Variants in SHISAL1 observed in about 807,000 individuals in gnomAD.
SHISAL1 encodes protein shisa-like-1.
Under a neutral mutation model 22.6 loss-of-function variants are expected in SHISAL1, and 9 were observed. That is an observed-to-expected ratio of 0.40 (90% CI 0.24 to 0.70). SHISAL1 has a LOEUF of 0.70. Ranked by LOEUF, SHISAL1 falls within the 30% of genes least tolerant of loss-of-function variation. The probability of loss-of-function intolerance (pLI) is 0.39; values close to 1 mark genes in which losing one functional copy is unlikely to be tolerated. For missense variants in SHISAL1, 246 were observed against 270.6 expected, an observed-to-expected ratio of 0.91 and a Z score of 0.64; for synonymous variants, 119 against 115.4, an observed-to-expected ratio of 1.03 and a Z score of -0.20.
rs762557894 is a variant in SHISAL1 at position 44,246,762 on chromosome 22, C to G, written c.*2923G>C. ...GTACCGTGACTAACTGGTACCCTAC[C>G]TCACACACTTGACAGGTGAGAAGCA... On this transcript the variant is annotated 3_prime_UTR_variant, in exon 5 of 5. Transcript: ENST00000381176. The G allele has an allele frequency of 7.0e-6, 1 of 143,748 alleles. No individual in the cohort carries two copies. The highest frequency in any genetic ancestry group is 1.5e-5 in the Non-Finnish European group (1 of 65,052). The allele number at this position is 143,748 out of a possible 1,614,324, so 8.9% of individuals were successfully genotyped here.
chr22:44,272,832 T>C (rs141261994), intron 4 of SHISAL1, among the ~76,000 whole-genome samples: 2 of 152,324 alleles, frequency 1.3e-5, no homozygotes, highest in East Asian at 3.9e-4. Context: ...AAGAAACACA[T>C]TGGCTGTAAT....
At chr22:44,330,963 C>T in the SHISAL1 span, among the ~76,000 whole-genome samples, 1 of 152,100 alleles carries the variant, frequency 6.6e-6, no homozygotes, top group Admixed American at 6.5e-5. Flanking sequence ...GACCCCCAGG[C>T]CCCTCTGGGT....
Position 44,248,989 on chromosome 22 carries a change from T to C in SHISAL1, c.*696A>G, listed in dbSNP as rs1395213498. On this transcript the variant is annotated 3_prime_UTR_variant, in exon 5 of 5. Transcript: ENST00000381176. ...TGAGATGCAGCCCTTAGTATTACTA[T>C]TGTTACAGGAACGAATTCTGTAAGA... is the stretch of plus-strand genomic sequence containing the variant. 6.6e-6 allele frequency: 1 copy of C among 152,096 alleles called. No individual in the cohort carries two copies. The highest frequency in any genetic ancestry group is 1.5e-5 in the Non-Finnish European group (1 of 68,036). 9.4% of individuals were successfully genotyped at this position (152,096 alleles called of 1,614,324 possible).
At chr22:44,317,023 AG>A (rs1462050741), upstream of SHISAL1, among the ~76,000 whole-genome samples, 2 of 152,194 alleles carry the variant, frequency 1.3e-5, no homozygotes, top group African/African-American at 4.8e-5. Context: ...ATGCAAATAG[AG>A]CTGCAGTGGA....
At chr22:44,266,525 G>GGTATGTGT (rs1555926281) in intron 4 of SHISAL1, among the ~76,000 whole-genome samples, 32 of 45,650 alleles carry the variant, frequency 7.0e-4, no homozygotes, top group Admixed American at 1.8e-3. Context: ...GGGGCTTTGG[G>GGTATGTGT]GTATGTGTGT....
rs190673943 is a variant in SHISAL1, at chr22:44,268,818, C to T, written c.599+16610G>A. On this transcript the variant is annotated intron_variant, in intron 4 of 4. Transcript: ENST00000381176. The stretch of plus-strand genomic sequence containing the variant: ...GGGGGCAGGGATGGGGACTGATCCA[C>T]TCTGTATCCCCAGTCCTGGCCTGGG... 8.4e-4 allele frequency among the ~76,000 whole-genome samples: 128 copies of T among 152,256 alleles called. 1 individual carries two copies. Among genetic ancestry groups the T allele is most frequent in the Non-Finnish European group, 1.3e-3 (91 of 68,002 alleles).
intron 4 of SHISAL1, among the ~76,000 whole-genome samples, chr22:44,262,286 C>T (rs2055130328): frequency 6.6e-6 from 1 of 152,212 alleles, no homozygotes; most frequent in African/African-American, 2.4e-5. Flanking sequence ...GCTGTCATGG[C>T]ACAAGATGCT....
At chr22:44,269,060 G>A (rs1051303794) in intron 4 of SHISAL1, among the ~76,000 whole-genome samples, 6 of 152,046 alleles carry the variant, frequency 3.9e-5, no homozygotes, top group East Asian at 1.9e-4. Flanking sequence ...CTTCCCCGAC[G>A]TCCTTTCTAC....
intron 4 of SHISAL1, among the ~76,000 whole-genome samples, chr22:44,255,955 G>A (rs1289113721): frequency 6.6e-6 from 1 of 152,222 alleles, no homozygotes; most frequent in Non-Finnish European, 1.5e-5. Flanking sequence ...CTAGCAGATG[G>A]AGGAAAACTG....
At chr22:44,274,751 A>AG (rs1451493474) in intron 4 of SHISAL1, among the ~76,000 whole-genome samples, 1 of 152,188 alleles carries the variant, frequency 6.6e-6, no homozygotes, top group Admixed American at 6.5e-5. Context: ...ATTAGAAGGG[A>AG]GAAAAACGCA....
Position 44,244,831 on chromosome 22 carries a change from C to G in SHISAL1, c.*4854G>C, listed in dbSNP as rs2054984971. On this transcript the variant is annotated 3_prime_UTR_variant, in exon 5 of 5. Transcript: ENST00000381176. The stretch of plus-strand genomic sequence containing the variant: ...ATGAGTTTTCTAGGAGGCTCCTCAC[C>G]TCTTCTAGCTTGCCTGACTGCTTAA... 6.6e-6 allele frequency: 1 copy of G among 152,222 alleles called. No individual in the cohort carries two copies. The highest frequency in any genetic ancestry group is 1.5e-5 in the Non-Finnish European group (1 of 68,042). 9.4% of individuals were successfully genotyped at this position (152,222 alleles called of 1,614,324 possible).
chr22:44,258,039 C>T (rs1015206632), intron 4 of SHISAL1, among the ~76,000 whole-genome samples: 2 of 152,214 alleles, frequency 1.3e-5, no homozygotes, highest in Non-Finnish European at 2.9e-5. Flanking sequence ...ACTCGGGAGG[C>T]TGAGGCAGGA....
At position 44,266,528 on chromosome 22, in the gene SHISAL1, A is replaced by ATGTGTGTATGTG. The variant is rs1555926299; in HGVS notation, c.*-16844_*-16843insCACATACACACA. 3.8e-3 allele frequency among the ~76,000 whole-genome samples: 407 copies of ATGTGTGTATGTG among 108,414 alleles called. 5 individuals carry two copies. Among genetic ancestry groups the ATGTGTGTATGTG allele is most frequent in the African/African-American group, 0.015 (386 of 26,412 alleles). 71.1% of individuals were successfully genotyped at this position (108,414 alleles called of 152,430 possible). On this transcript the variant is annotated intron_variant, in intron 4 of 4. Transcript: ENST00000381176. ...ATGTGTGTGTTGGGGGCTTTGGGGTATGTGTGTGTGTGTGTGTGTGTGTGT... is the reference window on the plus strand; with the variant it reads ...ATGTGTGTGTTGGGGGCTTTGGGGTATGTGTGTATGTGTGTGTGTGTGTGTGTGTGTGTGTGT...
chr22:44,249,965 TGG>T (rs2055035685), intron 4 of SHISAL1, among the ~76,000 whole-genome samples: 1 of 152,238 alleles, frequency 6.6e-6, no homozygotes, highest in Non-Finnish European at 1.5e-5. Flanking sequence ...CAGTTAATTG[TGG>T]ATAACTTACA....
chr22:44,267,326 C>T (rs1231035064), intron 4 of SHISAL1, among the ~76,000 whole-genome samples: 6 of 152,256 alleles, frequency 3.9e-5, no homozygotes, highest in Middle Eastern at 3.4e-3. Context: ...AAGCCACAGC[C>T]GCCCCAAGGT....
At chr22:44,292,630 C>T (rs2055360420) in intron 3 of SHISAL1, among the ~76,000 whole-genome samples, 2 of 152,214 alleles carry the variant, frequency 1.3e-5, no homozygotes, top group African/African-American at 4.8e-5. Flanking sequence ...TCCCCGTGCA[C>T]ACAGAGGCCC....
intron 2 of SHISAL1, among the ~76,000 whole-genome samples, chr22:44,298,074 C>T (rs1224337199): frequency 6.6e-6 from 1 of 152,222 alleles, no homozygotes; most frequent in Non-Finnish European, 1.5e-5. Flanking sequence ...CACACCCCTT[C>T]CCCCACAGAC....
chr22:44,249,560 TC>T lies in SHISAL1; in HGVS notation c.*124del. 1.4e-6 allele frequency: 1 copy of T among 718,224 alleles called. No individual in the cohort carries two copies. Among genetic ancestry groups the T allele is most frequent in the Non-Finnish European group, 2.6e-6 (1 of 388,324 alleles). 44.5% of individuals were successfully genotyped at this position (718,224 alleles called of 1,614,324 possible). ...GGGGGCTTTGGGCACAGGCAGCATT[TC>T]CTCCTGTGCCACCGCCGCTACCTCG... On this transcript the variant is annotated 3_prime_UTR_variant, in exon 5 of 5. Coordinates refer to ENST00000381176, the MANE Select transcript of SHISAL1 (RefSeq NM_001099294.2).
intron 4 of SHISAL1, among the ~76,000 whole-genome samples, chr22:44,251,431 A>C (rs1250889690): frequency 1.1e-4 from 17 of 152,230 alleles, no homozygotes; most frequent in Non-Finnish European, 1.9e-4. Flanking sequence ...AGAAAGGTTT[A>C]CTATAAAAGG....
Sources: allele counts gnomAD v4.1 joint callset (sites outside exome capture counted in the v4.1 genomes callset), GRCh38; gene constraint gnomAD v4.1.1; transcripts MANE v1.5; gene names NCBI Gene and HGNC (gene_info 2026-07-23, HGNC 2026-07-21).